The following PATL1 variants were observed in gnomAD, a reference collection of about 807,000 sequenced individuals.
PATL1 encodes the protein PAT1 homolog 1, processing body mRNA decay factor.
PATL1 carries 32 observed loss-of-function variants against 100.6 expected under a neutral mutation model. The observed-to-expected ratio is 0.32, with a 90% CI of 0.24 to 0.43. The LOEUF (loss-of-function observed/expected upper bound fraction) is 0.43, where lower values mean the gene tolerates loss of function less well. Ranked by LOEUF, PATL1 falls within the 20% of genes least tolerant of loss-of-function variation. The probability of loss-of-function intolerance (pLI) is 1.00; values close to 1 mark genes in which losing one functional copy is unlikely to be tolerated. For synonymous variants in PATL1, 332 were observed against 330.0 expected (o/e 1.01, Z -0.07); for missense variants, 747 against 949.9 (o/e 0.79, Z 2.81).
chr11:59,652,439 G>T, intron 11 of PATL1, 25 bp downstream of exon 11: 3 of 1,586,954 alleles, frequency 1.9e-6, no homozygotes, highest in South Asian at 1.2e-5. Flanking sequence ...TTTTATTATG[G>T]GCATTTTTCT....
chr11:59,662,448 G>A (rs1370263589), intron 2 of PATL1, among the ~76,000 whole-genome samples: 1 of 152,100 alleles, frequency 6.6e-6, no homozygotes, highest in Admixed American at 6.5e-5. Flanking sequence ...TCTCTGATAA[G>A]CCTATCCTGA....
chr11:59,664,081 T>C (rs1861658548), intron 2 of PATL1, among the ~76,000 whole-genome samples: 1 of 152,152 alleles, frequency 6.6e-6, no homozygotes, highest in Non-Finnish European at 1.5e-5. Flanking sequence ...ATTATAAACT[T>C]TCTTGGCCAA....
chr11:59,647,006 G>C (rs1861374093), intron 15 of PATL1, among the ~76,000 whole-genome samples: 1 of 152,056 alleles, frequency 6.6e-6, no homozygotes, highest in Non-Finnish European at 1.5e-5. Context: ...GACTGCACGA[G>C]TCTAGGAGTT....
Position 59,642,975 on chromosome 11 carries a change from T to C in PATL1, c.1954A>G (p.Ile652Val), listed in dbSNP as rs752368309. The change falls in exon 16 of 19, where the codon ATC becomes GTC. Residue 652 changes from isoleucine (I) to valine (V), a missense_variant. Around this residue, in one of 4 missense-constraint regions of PATL1, gnomAD observed 434 missense variants for 596.1 expected, o/e 0.73. Transcript: ENST00000300146. The part of the protein sequence containing the change: ...LLLYHLPSVS[I>V]TSLLRQLMNL... ...ATTAGCTGTCGCAAAAGGCTGGTGATACTCACTGATGGAAGATGATAGAGA... is the reference window on the plus strand; with the variant it reads ...ATTAGCTGTCGCAAAAGGCTGGTGACACTCACTGATGGAAGATGATAGAGA... 1 of 1,613,992 alleles carries C rather than the reference T, an allele frequency of 6.2e-7. No homozygotes were observed. The highest frequency in any genetic ancestry group is 1.7e-5 in the Admixed American group (1 of 60,028).
chr11:59,642,726 T>A, intron 16 of PATL1, 154 bp downstream of exon 16: 1 of 781,064 alleles, frequency 1.3e-6, no homozygotes, highest in South Asian at 2.3e-5. Flanking sequence ...TTGAAAACAC[T>A]GTTATTTCTA....
intron 1 of PATL1, among the ~76,000 whole-genome samples, chr11:59,668,410 C>T (rs1364972944): frequency 6.6e-6 from 1 of 152,150 alleles, no homozygotes; most frequent in Non-Finnish European, 1.5e-5. Flanking sequence ...AAGCCCAGGC[C>T]CCCTTCACCT....
In PATL1 at chr11:59,637,178, G is replaced by A. The variant is rs1023278741; in HGVS notation, c.*1212C>T. ...TAATTCAGATTTAATTTTCTTCAGG[G>A]CTGTAATCACTAGGGATCAAAACTC... On this transcript the variant is annotated 3_prime_UTR_variant, in exon 19 of 19. Transcript: ENST00000300146. The A allele has an allele frequency of 6.6e-6, 1 of 152,368 alleles. No individual in the cohort carries two copies. The highest frequency in any genetic ancestry group is 1.5e-5 in the Non-Finnish European group (1 of 68,024). 9.4% of individuals were successfully genotyped at this position (152,368 alleles called of 1,614,324 possible).
At chr11:59,644,586 T>C (rs1489716954) in intron 15 of PATL1, among the ~76,000 whole-genome samples, 4 of 152,200 alleles carry the variant, frequency 2.6e-5, no homozygotes, top group Non-Finnish European at 5.9e-5. Context: ...ATTTGTTCTA[T>C]AGTTTGAATT....
rs1861596404 is a variant in PATL1 at position 59,659,414 on chromosome 11, T to C, written c.183A>G (p.Pro61=). 6.4e-7 allele frequency: 1 copy of C among 1,551,328 alleles called. No homozygotes were observed. Among genetic ancestry groups the C allele is most frequent in the African/African-American group, 1.4e-5 (1 of 73,056 alleles). ...TGCCTGTTTGTTCATTAACTGCCAC[T>C]GGTAGCTTTTCTTCCAATTCAGCCA... ...ERLAELEEKL[P]VAVNEQTGNG... The change falls in exon 3 of 19, where the codon CCA becomes CCG. Residue 61 remains proline, a synonymous_variant. Transcript: ENST00000300146.
intron 14 of PATL1, among the ~76,000 whole-genome samples, chr11:59,648,623 A>G (rs943933012): frequency 6.6e-6 from 1 of 151,828 alleles, no homozygotes; most frequent in Non-Finnish European, 1.5e-5. Flanking sequence ...TTTTTCTTTC[A>G]TAAAAAAATG....
intron 8 of PATL1, among the ~76,000 whole-genome samples, chr11:59,654,462 CAG>C (rs1388096798): frequency 7.7e-6 from 1 of 130,402 alleles, no homozygotes; most frequent in Non-Finnish European, 1.6e-5. Flanking sequence ...GCCTGCGAGA[CAG>C]AGTGAGACTC....
At chr11:59,656,115 C>G in intron 6 of PATL1, 70 bp from the exon 7 acceptor site, 1 of 892,998 alleles carries the variant, frequency 1.1e-6, no homozygotes, top group Non-Finnish European at 1.6e-6. Context: ...TAAGGAAACT[C>G]AGCAGAAATG....
chr11:59,646,080 T>G (rs1861360182), intron 15 of PATL1, among the ~76,000 whole-genome samples: 1 of 152,210 alleles, frequency 6.6e-6, no homozygotes, highest in Admixed American at 6.5e-5. Context: ...AAATAATGCC[T>G]GGCACATAGA....
At chr11:59,658,603 G>A (rs1045695360) in intron 4 of PATL1, among the ~76,000 whole-genome samples, 7 of 152,092 alleles carry the variant, frequency 4.6e-5, no homozygotes, top group African/African-American at 7.2e-5. Context: ...GATTACACGC[G>A]TGAGCCACCA....
chr11:59,664,818 C>T (rs1861666321), intron 2 of PATL1, among the ~76,000 whole-genome samples: 1 of 152,188 alleles, frequency 6.6e-6, no homozygotes, highest in African/African-American at 2.4e-5. Flanking sequence ...GATCCTCCTG[C>T]CTTGACCTCC....
intron 6 of PATL1, 93 bp downstream of exon 6, chr11:59,656,406 A>G: frequency 9.7e-7 from 1 of 1,030,164 alleles, no homozygotes; most frequent in Non-Finnish European, 1.4e-6. Flanking sequence ...ATAATTTAGG[A>G]GATGTCAGCA....
chr11:59,640,072 T>C (rs2134735033), intron 16 of PATL1, among the ~76,000 whole-genome samples: 1 of 152,350 alleles, frequency 6.6e-6, no homozygotes, highest in Admixed American at 6.5e-5. Context: ...TCAGGTGTGG[T>C]GGCTCATGCC....
intron 15 of PATL1, among the ~76,000 whole-genome samples, chr11:59,646,803 T>C (rs1253375853): frequency 6.6e-6 from 1 of 152,230 alleles, no homozygotes; most frequent in Non-Finnish European, 1.5e-5. Flanking sequence ...TAAATTTTGC[T>C]CATCTTTCAG....
At chr11:59,647,087 G>A (rs1241256374) in intron 15 of PATL1, among the ~76,000 whole-genome samples, 1 of 151,950 alleles carries the variant, frequency 6.6e-6, no homozygotes, top group Admixed American at 6.6e-5. Context: ...GCCGAGCATG[G>A]TGTCGCATGC....
Sources: gnomAD v4.1 joint callset for allele counts (sites outside exome capture counted in the v4.1 genomes callset) on GRCh38, gnomAD v4.1.1 for gene constraint, gnomAD v4.1.1 regional missense constraint, MANE v1.5 for transcripts, NCBI Gene and HGNC (gene_info 2026-07-23, HGNC 2026-07-21) for gene names.